The following SEPTIN10 variants were observed in gnomAD, a reference collection of about 807,000 sequenced individuals.
SEPTIN10 encodes septin 10.
Under a neutral mutation model 54.8 loss-of-function variants are expected in SEPTIN10, and 66 were observed. The observed-to-expected ratio is 1.21, with a 90% CI of 0.99 to 1.48. The LOEUF (loss-of-function observed/expected upper bound fraction) is 1.48. Among genes scored for constraint, SEPTIN10 ranks in the 40% most tolerant of loss-of-function variants. SEPTIN10 has a pLI of 0.00. For synonymous variants in SEPTIN10, 161 were observed against 181.0 expected, an observed-to-expected ratio of 0.89 and a Z score of 0.89; for missense variants, 620 against 545.6, an observed-to-expected ratio of 1.14 and a Z score of -1.36.
rs1194863572 is a variant in SEPTIN10, at chr2:109,543,965, T to C, written c.*344A>G. ...GAAAGTAATTTATACAAAAATTTTG[T>C]GCAAGAAACAAAATCTGTTTAAACT... On this transcript the variant is annotated 3_prime_UTR_variant, in exon 11 of 11. Coordinates refer to ENST00000397712, the MANE Select transcript of SEPTIN10 (RefSeq NM_144710.5). 5 of 583,868 alleles carry C rather than the reference T, an allele frequency of 8.6e-6. No homozygotes were observed. In the East Asian group the frequency reaches 1.4e-4, roughly 17 times the overall value. 36.2% of individuals were successfully genotyped at this position (583,868 alleles called of 1,614,324 possible).
chr2:109,569,436 TTA>T (rs1491499636), intron 5 of SEPTIN10, among the ~76,000 whole-genome samples: 1 of 118,558 alleles, frequency 8.4e-6, no homozygotes, highest in Non-Finnish European at 1.7e-5. Flanking sequence ...AAAACTCTTG[TTA>T]AAAAAAAAAA....
chr2:109,594,422 C>T (rs1358615588), intron 1 of SEPTIN10, among the ~76,000 whole-genome samples: 1 of 152,090 alleles, frequency 6.6e-6, no homozygotes, highest in East Asian at 1.9e-4. Context: ...CTAAGCAGGC[C>T]TCCTTTGTTT....
intron 4 of SEPTIN10, among the ~76,000 whole-genome samples, chr2:109,580,815 C>T (rs1294292947): frequency 6.6e-6 from 1 of 152,244 alleles, no homozygotes; most frequent in East Asian, 1.9e-4. Context: ...ATGAGCCCTA[C>T]CATGTCCCAG....
At chr2:109,592,685 CAA>C (rs1255925952) in intron 2 of SEPTIN10, among the ~76,000 whole-genome samples, 2 of 149,554 alleles carry the variant, frequency 1.3e-5, no homozygotes, top group African/African-American at 4.9e-5. Flanking sequence ...GAGGCTGAGA[CAA>C]GAGAATCGCT....
chr2:109,580,257 T>G (rs1476719118), intron 4 of SEPTIN10, among the ~76,000 whole-genome samples: 1 of 151,198 alleles, frequency 6.6e-6, no homozygotes, highest in Non-Finnish European at 1.5e-5. Flanking sequence ...GTATCTAAAA[T>G]TATAAGGTTA....
chr2:109,574,368 C>T (rs1689089541), intron 5 of SEPTIN10, among the ~76,000 whole-genome samples: 1 of 149,526 alleles, frequency 6.7e-6, no homozygotes, highest in Non-Finnish European at 1.5e-5. Flanking sequence ...ATCGTTTGAG[C>T]CCACGGGTTT....
rs542409956 is a variant in SEPTIN10, at chr2:109,566,610, C to T, written c.763-751G>A. 3.9e-5 allele frequency among the ~76,000 whole-genome samples: 6 copies of T among 152,150 alleles called. 1 individual carries two copies. The highest frequency in any genetic ancestry group is 1.4e-4 in the African/African-American group (6 of 41,474). On this transcript the variant is annotated intron_variant, in intron 6 of 10. Transcript: ENST00000397712. ...GATATGGTACTAATATAAAGTAGTACACAAAGTCCCAAATTAATGTCAATA... is the reference window on the plus strand; with the variant it reads ...GATATGGTACTAATATAAAGTAGTATACAAAGTCCCAAATTAATGTCAATA...
intron 8 of SEPTIN10, among the ~76,000 whole-genome samples, chr2:109,562,631 T>C (rs1463656738): frequency 1.8e-4 from 27 of 152,144 alleles, no homozygotes; most frequent in Admixed American, 1.8e-3. Flanking sequence ...ACCAGACACC[T>C]AGGCCTGTCT....
chr2:109,604,161 C>CA (rs34166921), intron 1 of SEPTIN10, among the ~76,000 whole-genome samples: 10,577 of 58,460 alleles, frequency 0.18, 1,062 homozygotes, highest in African/African-American at 0.26. Context: ...GACTCTGCCT[C>CA]AAAAAAAAAA....
chr2:109,558,938 T>C (rs958311127), intron 8 of SEPTIN10, among the ~76,000 whole-genome samples: 2 of 151,828 alleles, frequency 1.3e-5, no homozygotes, highest in Admixed American at 6.6e-5. Context: ...CAGGCTGGAG[T>C]GCAGTGGTGC....
intron 4 of SEPTIN10, among the ~76,000 whole-genome samples, chr2:109,582,075 GACACACAC>G (rs55880328): frequency 0.37 from 53,739 of 143,668 alleles, 10,627 homozygotes; most frequent in Middle Eastern, 0.56. Context: ...ATGTACAACA[GACACACAC>G]ACACACACAC....
chr2:109,548,772 TC>T (rs1270830983), intron 9 of SEPTIN10, among the ~76,000 whole-genome samples: 22 of 50,436 alleles, frequency 4.4e-4, no homozygotes, highest in African/African-American at 1.7e-3. Context: ...TTAGGCTCCA[TC>T]TCAAAAAAAA....
Position 109,613,875 on chromosome 2 carries a change from A to T in SEPTIN10, c.-48T>A. On this transcript the variant is annotated 5_prime_UTR_variant, in exon 1 of 11. Coordinates refer to ENST00000397712, the MANE Select transcript of SEPTIN10 (RefSeq NM_144710.5). ...AAGCGGCTGTATCAGCCCGGCCCCG[A>T]GCGGCTGGTCCCGGCGACGGCGGCG... 7.3e-6 allele frequency: 9 copies of T among 1,229,422 alleles called. No individual in the cohort carries two copies. Among genetic ancestry groups the T allele is most frequent in the Non-Finnish European group, 9.1e-6 (9 of 987,096 alleles). The allele number at this position is 1,229,422 out of a possible 1,614,324, so 76.2% of individuals were successfully genotyped here. A position where few individuals can be genotyped will look rare whatever the true frequency, so the allele number is the denominator to read the frequency against.
At chr2:109,599,545 G>A (rs1447366447) in intron 1 of SEPTIN10, among the ~76,000 whole-genome samples, 2 of 152,070 alleles carry the variant, frequency 1.3e-5, no homozygotes, top group South Asian at 4.2e-4. Flanking sequence ...AGTGTGCATG[G>A]CCTGTTTGCA....
intron 1 of SEPTIN10, among the ~76,000 whole-genome samples, chr2:109,612,698 C>T (rs556046231): frequency 2.0e-5 from 3 of 152,290 alleles, no homozygotes; most frequent in African/African-American, 7.2e-5. Flanking sequence ...CTCACCAGGA[C>T]CCCTCAATTT....
chr2:109,545,662 C>A, intron 10 of SEPTIN10: 1 of 1,487,196 alleles, frequency 6.7e-7, no homozygotes, highest in African/African-American at 1.4e-5. Flanking sequence ...ACAAAGGGCA[C>A]AGCTTTATTT....
chr2:109,583,500 G>T (rs539774394), intron 4 of SEPTIN10, among the ~76,000 whole-genome samples: 2 of 152,138 alleles, frequency 1.3e-5, no homozygotes, highest in Non-Finnish European at 2.9e-5. Context: ...AGATACTGGC[G>T]GGGCTGTAGA....
chr2:109,579,818 A>AAAAT (rs945571864), intron 4 of SEPTIN10, among the ~76,000 whole-genome samples: 8 of 152,082 alleles, frequency 5.3e-5, no homozygotes, highest in African/African-American at 1.7e-4. Context: ...ATCTTGATTT[A>AAAAT]AAATAAATAA....
In SEPTIN10 at chr2:109,562,988, G is replaced by A. The variant is rs529351775; in HGVS notation, c.1028+1378C>T. Among the ~76,000 whole-genome samples, 105 of 151,688 alleles carry A rather than the reference G, an allele frequency of 6.9e-4. 1 individual carries two copies. The highest frequency in any genetic ancestry group is 2.5e-3 in the African/African-American group (103 of 41,330). On this transcript the variant is annotated intron_variant, in intron 8 of 10. Transcript: ENST00000397712. ...TGCAGTGGCACGATCTCAGCTCACTGTAAACTCTGCCTCCCAGGTTCAAGT... is the reference window on the plus strand; with the variant it reads ...TGCAGTGGCACGATCTCAGCTCACTATAAACTCTGCCTCCCAGGTTCAAGT...
Sources: allele counts gnomAD v4.1 joint callset (sites outside exome capture counted in the v4.1 genomes callset), GRCh38; gene constraint gnomAD v4.1.1; transcripts MANE v1.5; gene names NCBI Gene and HGNC (gene_info 2026-07-23, HGNC 2026-07-21).